INTS3: variants seen among roughly 807,000 people sequenced by gnomAD.
INTS3 encodes SOSS complex subunit A.
INTS3 carries 34 observed loss-of-function variants against 146.3 expected under a neutral mutation model. The ratio of observed to expected loss-of-function variants is 0.23; its 90% CI spans 0.18 to 0.31. The LOEUF (loss-of-function observed/expected upper bound fraction) is 0.31, where lower values mean the gene tolerates loss of function less well. INTS3 is among the 10% of genes least tolerant of loss of function. The pLI, the probability that INTS3 is intolerant of heterozygous loss-of-function variation, is 1.00. For missense variants in INTS3, 757 were observed against 1,304.2 expected (o/e 0.58, Z 6.46); for synonymous variants, 475 against 494.9 (o/e 0.96, Z 0.53).
chr1:153,772,020 C>G lies in INTS3; in HGVS notation c.2720+57C>G. On this transcript the variant is annotated intron_variant, in intron 26 of 29. Transcript: ENST00000318967. This position sits in a 1 kb window ranked among gnomAD's most constrained non-coding sequence, Gnocchi z 4.6. ...CATGGCGGTCTGCAGTGATTGCTGT[C>G]GGTGGTGGTGGTGGTGGTGGTGGTG... 2 of 1,182,420 alleles carry G rather than the reference C, an allele frequency of 1.7e-6. No homozygotes were observed. Among genetic ancestry groups the G allele is most frequent in the East Asian group, 2.6e-5 (1 of 38,328 alleles). The allele number at this position is 1,182,420 out of a possible 1,614,324, so 73.2% of individuals were successfully genotyped here. A position where few individuals can be genotyped will look rare whatever the true frequency, so the allele number is the denominator to read the frequency against.
chr1:153,763,104 C>A, intron 15 of INTS3, 129 bp from the exon 16 acceptor site: 1 of 1,220,970 alleles, frequency 8.2e-7, no homozygotes, highest in Non-Finnish European at 1.2e-6. Context: ...ATGCTTCAGG[C>A]ACTCACACAG....
At chr1:153,764,904 G>A (rs1672518063) in intron 19 of INTS3, 40 bp from the exon 20 acceptor site, 1 of 1,613,624 alleles carries the variant, frequency 6.2e-7, no homozygotes, top group Non-Finnish European at 8.5e-7. Context: ...GTCTGCCCTG[G>A]GTAAAGTTCT....
At chr1:153,769,953 G>C (rs926004431) in intron 23 of INTS3, 109 bp downstream of exon 23, 2 of 838,804 alleles carry the variant, frequency 2.4e-6, no homozygotes, top group Non-Finnish European at 4.0e-6. Context: ...GAAGTTAAGG[G>C]GAGAGAATTG....
At chr1:153,745,871 C>T (rs528515160) in intron 3 of INTS3, among the ~76,000 whole-genome samples, 7 of 152,168 alleles carry the variant, frequency 4.6e-5, no homozygotes, top group East Asian at 1.9e-4. Flanking sequence ...CTGAGGAGGC[C>T]GAGGTGGGAG....
Position 153,765,146 on chromosome 1 carries a change from G to C in INTS3, c.2090+83G>C, listed in dbSNP as rs576903584. 14 of 1,476,466 alleles carry C rather than the reference G, an allele frequency of 9.5e-6. No homozygotes were observed. In the East Asian group the frequency reaches 3.2e-4, roughly 34 times the overall value. 91.5% of individuals were successfully genotyped at this position (1,476,466 alleles called of 1,614,324 possible). ...TCCACACGCTGACTCCCCAACCCTG[G>C]ACTGTCATCACCAGGGCCTTCTTTG... On this transcript the variant is annotated intron_variant, in intron 20 of 29. Coordinates refer to ENST00000318967, the MANE Select transcript of INTS3 (RefSeq NM_023015.5).
intron 4 of INTS3, 74 bp from the exon 5 acceptor site, chr1:153,747,205 A>G: frequency 7.2e-7 from 1 of 1,385,314 alleles, no homozygotes; most frequent in Non-Finnish European, 1.0e-6. Flanking sequence ...TGCTCCTTTC[A>G]GTTGTAATTG....
At chr1:153,733,762 A>T (rs1222163735) in intron 1 of INTS3, among the ~76,000 whole-genome samples, 3 of 146,792 alleles carry the variant, frequency 2.0e-5, no homozygotes, top group Admixed American at 6.8e-5. Context: ...GCGCCACCAC[A>T]CCCGGCTGAT....
Position 153,764,205 on chromosome 1 carries a change from G to C in INTS3, c.1909G>C (p.Glu637Gln). 6.2e-7 allele frequency: 1 copy of C among 1,613,096 alleles called. No individual in the cohort carries two copies. The highest frequency in any genetic ancestry group is 8.5e-7 in the Non-Finnish European group (1 of 1,179,094). Reference sequence around the variant, plus strand: ...CCACTTTCGAGGGGAGGTCCTGCCTGAGGAGATTACTGAGGAGTAAGGCTG... The same window carrying C: ...CCACTTTCGAGGGGAGGTCCTGCCTCAGGAGATTACTGAGGAGTAAGGCTG... ...KAHFRGEVLP[E>Q]EITEESLEES... Residue 637 changes from glutamate (E) to glutamine (Q), a missense_variant, in exon 18 of 30, where the codon GAG (glutamate) becomes CAG (glutamine). Transcript: ENST00000318967.
intron 9 of INTS3, among the ~76,000 whole-genome samples, chr1:153,755,487 C>T (rs1444494409): frequency 3.3e-5 from 5 of 152,018 alleles, no homozygotes; most frequent in Non-Finnish European, 5.9e-5. Flanking sequence ...CTCGAACTTC[C>T]GACCTCAGGT....
intron 21 of INTS3, 98 bp downstream of exon 21, chr1:153,767,925 C>T: frequency 1.6e-6 from 2 of 1,262,124 alleles, no homozygotes; most frequent in South Asian, 1.7e-5. Flanking sequence ...TTTTGTTCAT[C>T]CCCACTAACC....
intron 3 of INTS3, among the ~76,000 whole-genome samples, chr1:153,743,030 G>A (rs937771610): frequency 6.6e-6 from 1 of 152,228 alleles, no homozygotes; most frequent in African/African-American, 2.4e-5. Context: ...TTTTAGGCGG[G>A]TGAGGAACTA....
rs1211432745 is a variant in INTS3, at chr1:153,728,852, G to C, written c.150+68G>C. ...GGAGGGATACTGGAGCGGATACCGG[G>C]TGGGAGGACGGGGGGTGGGGGCGGG... On this transcript the variant is annotated intron_variant, in intron 1 of 29. Transcript: ENST00000318967. 1.0e-5 allele frequency: 7 copies of C among 702,606 alleles called. No individual in the cohort carries two copies. In the East Asian group the frequency reaches 3.0e-4, roughly 30 times the overall value. 43.5% of individuals were successfully genotyped at this position (702,606 alleles called of 1,614,324 possible). A position where few individuals can be genotyped will look rare whatever the true frequency, so the allele number is the denominator to read the frequency against.
intron 5 of INTS3, 42 bp downstream of exon 5, chr1:153,747,405 C>T (rs1426519922): frequency 2.1e-6 from 3 of 1,412,812 alleles, no homozygotes; most frequent in Non-Finnish European, 3.0e-6. Flanking sequence ...AGGAGGAGAG[C>T]CCAGAGACTA....
intron 7 of INTS3, among the ~76,000 whole-genome samples, chr1:153,751,731 T>C (rs1350189238): frequency 6.6e-6 from 1 of 152,212 alleles, no homozygotes; most frequent in Non-Finnish European, 1.5e-5. Context: ...TCCCAAAGTG[T>C]TGGGATTATA....
At chr1:153,765,662 C>T (rs766492844) in intron 20 of INTS3, among the ~76,000 whole-genome samples, 2 of 151,958 alleles carry the variant, frequency 1.3e-5, no homozygotes, top group Non-Finnish European at 2.9e-5. Context: ...TTCCACCTCC[C>T]GGGTTCAAGC....
chr1:153,774,753 C>T lies in INTS3; in HGVS notation c.*1483C>T, dbSNP rs545587044. ...CTAAACCACTGGAGGCTTCTTTTTC[C>T]TTCCTCTCTCCTTCCCCAGTTTCCT... On this transcript the variant is annotated 3_prime_UTR_variant, in exon 30 of 30. Transcript: ENST00000318967. 36 of 234,784 alleles carry T rather than the reference C, an allele frequency of 1.5e-4. No homozygotes were observed. Among genetic ancestry groups the T allele is most frequent in the Non-Finnish European group, 2.7e-4 (33 of 120,416 alleles). The allele number at this position is 234,784 out of a possible 1,614,324, so 14.5% of individuals were successfully genotyped here.
chr1:153,737,927 C>T (rs1671365140), intron 1 of INTS3, among the ~76,000 whole-genome samples: 1 of 152,156 alleles, frequency 6.6e-6, no homozygotes, highest in Admixed American at 6.5e-5. Context: ...GTAAAATCTT[C>T]ATGTAGCCAT....
At chr1:153,763,738 G>A in intron 16 of INTS3, 94 bp from the exon 17 acceptor site, 1 of 1,065,232 alleles carries the variant, frequency 9.4e-7, no homozygotes, top group Non-Finnish European at 1.4e-6. Context: ...TTGTCTCTGT[G>A]CATGTGAGTG....
chr1:153,770,952 C>T (rs550704420), intron 25 of INTS3, among the ~76,000 whole-genome samples: 6 of 152,128 alleles, frequency 3.9e-5, no homozygotes, highest in Admixed American at 1.3e-4. Flanking sequence ...GAGCTGCCCT[C>T]GGAGGTGGGG....
Sources: gnomAD v4.1 joint callset for allele counts (sites outside exome capture counted in the v4.1 genomes callset) on GRCh38, gnomAD v4.1.1 for gene constraint, Gnocchi (gnomAD v3.1) non-coding constraint, MANE v1.5 for transcripts, NCBI Gene and HGNC (gene_info 2026-07-23, HGNC 2026-07-21) for gene names.